SMC3: variants seen among roughly 807,000 people sequenced by gnomAD.
SMC3 encodes the protein structural maintenance of chromosomes protein 3.
SMC3 carries 20 observed loss-of-function variants against 171.8 expected under a neutral mutation model. The observed-to-expected ratio is 0.12, with a 90% confidence interval of 0.08 to 0.17. The LOEUF (loss-of-function observed/expected upper bound fraction) is 0.17, where lower values mean the gene tolerates loss of function less well. Among genes scored for constraint, SMC3 ranks in the 10% least tolerant of loss-of-function variants. The probability of loss-of-function intolerance (pLI) is 1.00; values close to 1 mark genes in which losing one functional copy is unlikely to be tolerated. For missense variants in SMC3, 543 were observed against 1,420.4 expected (o/e 0.38, Z 9.93); for synonymous variants, 464 against 451.1 (o/e 1.03, Z -0.36).
At chr10:110,574,760 C>G (rs1306946759) in intron 3 of SMC3, among the ~76,000 whole-genome samples, 3 of 152,198 alleles carry the variant, frequency 2.0e-5, no homozygotes, top group African/African-American at 4.8e-5. Context: ...AAGAGTTCCA[C>G]TTCCTAGGCA....
chr10:110,591,001 C>T lies in SMC3; in HGVS notation c.1681C>T (p.His561Tyr). The T allele has an allele frequency of 1.2e-6, 2 of 1,612,546 alleles. No individual in the cohort carries two copies. Among genetic ancestry groups the T allele is most frequent in the Non-Finnish European group, 1.7e-6 (2 of 1,178,774 alleles). The change falls in exon 17 of 29, where the codon CAC becomes TAC. Residue 561 changes from histidine to tyrosine, a missense_variant. By Grantham distance (83) the His-to-Tyr change is moderately conservative. Transcript: ENST00000361804. ...TCTGTTTATATTTAGGTTATTTTAT[C>T]ACATTGTTGATTCAGATGAAGTCAG... ...EVTAGNRLFY[H>Y]IVDSDEVSTK...
chr10:110,571,570 G>A (rs1252163349), intron 2 of SMC3, among the ~76,000 whole-genome samples: 1 of 152,176 alleles, frequency 6.6e-6, no homozygotes, highest in African/African-American at 2.4e-5. Context: ...GGGAGTTATA[G>A]CCTCCTTTCC....
chr10:110,592,939 A>G, intron 17 of SMC3, 134 bp from the exon 18 acceptor site: 1 of 796,244 alleles, frequency 1.3e-6, no homozygotes, highest in Non-Finnish European at 2.1e-6. Flanking sequence ...TAACTACTTC[A>G]GGGAAAACGC....
At chr10:110,598,856 C>T (rs996612057) in intron 20 of SMC3, among the ~76,000 whole-genome samples, 2 of 152,096 alleles carry the variant, frequency 1.3e-5, no homozygotes, top group Non-Finnish European at 2.9e-5. Flanking sequence ...GTCTGATGGT[C>T]AGTTTTTGTC....
chr10:110,567,811 G>A lies in SMC3; in HGVS notation c.-6G>A, dbSNP rs1047102550. The A allele has an allele frequency of 3.1e-6, 5 of 1,613,496 alleles. No individual in the cohort carries two copies. The South Asian group carries it at 4.4e-5, about 14-fold the overall frequency. On this transcript the variant is annotated 5_prime_UTR_variant, in exon 1 of 29. Transcript: ENST00000361804. ...AGGTCTCCTTCCAGGCCAGGGGCCC[G>A]GAATCATGTACATAAAGCAGGTAAG... is the stretch of plus-strand genomic sequence containing the variant.
intron 13 of SMC3, among the ~76,000 whole-genome samples, chr10:110,584,784 C>G (rs1031939558): frequency 4.3e-4 from 66 of 152,202 alleles, no homozygotes; most frequent in Middle Eastern, 6.8e-3. Context: ...CCAGGCCCAG[C>G]AAAATTTTTA....
chr10:110,588,713 A>AT (rs1205650001), intron 13 of SMC3, among the ~76,000 whole-genome samples: 2 of 152,064 alleles, frequency 1.3e-5, no homozygotes, highest in African/African-American at 4.8e-5. Context: ...AGGCTATTGG[A>AT]TTTTTTCAGC....
chr10:110,583,765 T>A (rs1264008956), intron 11 of SMC3, 76 bp from the exon 12 acceptor site: 1 of 1,532,202 alleles, frequency 6.5e-7, no homozygotes, highest in Non-Finnish European at 8.9e-7. Flanking sequence ...GAAGTTTTTT[T>A]CCTGAGAAAA....
At chr10:110,592,458 G>A (rs1590563174) in intron 17 of SMC3, among the ~76,000 whole-genome samples, 1 of 151,946 alleles carries the variant, frequency 6.6e-6, no homozygotes, top group South Asian at 2.1e-4. Context: ...AATTTACACT[G>A]AATACTTAAC....
At chr10:110,594,670 T>C (rs1861267386) in intron 18 of SMC3, among the ~76,000 whole-genome samples, 1 of 151,878 alleles carries the variant, frequency 6.6e-6, no homozygotes, top group Non-Finnish European at 1.5e-5. Flanking sequence ...CTCAATTTTT[T>C]TTTTCCTCTT....
rs1861069180 is a variant in SMC3 at position 110,583,933 on chromosome 10, G to A, written c.1062G>A (p.Val354=). 6.2e-7 allele frequency: 1 copy of A among 1,612,308 alleles called. No individual in the cohort carries two copies. The highest frequency in any genetic ancestry group is 8.5e-7 in the Non-Finnish European group (1 of 1,179,122). ...LAETEPKFNS[V]KEKEERGIAR... is the part of the protein sequence containing the mutation. ...AAACAGAACCCAAATTCAACAGTGT[G>A]AAAGAGAAAGAAGAACGAGGAATTG... The change falls in exon 12 of 29, where the codon GTG becomes GTA. Residue 354 remains valine (V), a synonymous_variant. Transcript: ENST00000361804.
intron 6 of SMC3, 51 bp from the exon 7 acceptor site, chr10:110,578,577 A>T: frequency 7.3e-7 from 1 of 1,368,912 alleles, no homozygotes; most frequent in Non-Finnish European, 1.0e-6. Flanking sequence ...TCATTGCTTA[A>T]TGGTGCTTTA....
chr10:110,589,887 A>G lies in SMC3; in HGVS notation c.1410-5A>G. 1 of 1,612,760 alleles carries G rather than the reference A, an allele frequency of 6.2e-7. No individual in the cohort carries two copies. The highest frequency in any genetic ancestry group is 8.5e-7 in the Non-Finnish European group (1 of 1,178,826). ...ATTAAAGACAGTCTACTTTTTATTTATTAGCTACTTGTGGAGAGAAGAGAA... is the reference window on the plus strand; with the variant it reads ...ATTAAAGACAGTCTACTTTTTATTTGTTAGCTACTTGTGGAGAGAAGAGAA... On this transcript the variant is annotated splice_region_variant and splice_polypyrimidine_tract_variant and intron_variant, in intron 14 of 28. Coordinates refer to ENST00000361804, the MANE Select transcript of SMC3 (RefSeq NM_005445.4).
intron 4 of SMC3, 81 bp downstream of exon 4, chr10:110,575,484 T>G: frequency 9.8e-7 from 1 of 1,018,140 alleles, no homozygotes; most frequent in Non-Finnish European, 1.5e-6. Context: ...AAAAAGCATT[T>G]GTTCAAGTTT....
intron 7 of SMC3, among the ~76,000 whole-genome samples, chr10:110,578,979 A>C (rs953935196): frequency 4.6e-5 from 7 of 152,248 alleles, no homozygotes; most frequent in Non-Finnish European, 7.3e-5. Context: ...ATAATTAAGA[A>C]TATTGTAGGA....
At chr10:110,586,785 G>A (rs1456950484) in intron 13 of SMC3, among the ~76,000 whole-genome samples, 1 of 151,954 alleles carries the variant, frequency 6.6e-6, no homozygotes, top group Non-Finnish European at 1.5e-5. Context: ...AGCCTCCCAT[G>A]TAGCTGAGAT....
intron 20 of SMC3, among the ~76,000 whole-genome samples, chr10:110,599,056 A>AAAG (rs1461864903): frequency 6.6e-6 from 1 of 152,012 alleles, no homozygotes; most frequent in Non-Finnish European, 1.5e-5. Context: ...AAAAAAAAAA[A>AAAG]AGATGTGCCT....
chr10:110,584,079 T>C (rs1861071718), intron 12 of SMC3, 104 bp from the exon 13 acceptor site: 2 of 1,530,058 alleles, frequency 1.3e-6, no homozygotes, highest in Non-Finnish European at 1.8e-6. Context: ...TTTGTATCTT[T>C]TTGAAAAATG....
chr10:110,581,794 G>T (rs879142615), intron 8 of SMC3, 129 bp from the exon 9 acceptor site: 3 of 943,396 alleles, frequency 3.2e-6, no homozygotes, highest in Non-Finnish European at 4.9e-6. Flanking sequence ...TTTAAATTGG[G>T]TTACCACATC....
Sources: gnomAD v4.1 joint callset for allele counts (sites outside exome capture counted in the v4.1 genomes callset) on GRCh38, gnomAD v4.1.1 for gene constraint, MANE v1.5 for transcripts, NCBI Gene and HGNC (gene_info 2026-07-23, HGNC 2026-07-21) for gene names.